Variants in SHC2 observed in about 807,000 individuals in gnomAD.
The protein encoded by SHC2 is SHC-transforming protein 2.
A neutral mutation model predicts 60.6 loss-of-function variants in SHC2; 62 were observed. The ratio of observed to expected loss-of-function variants is 1.02; its 90% CI spans 0.83 to 1.26. The LOEUF is 1.26. SHC2 is among the 50% of genes most tolerant of loss of function. SHC2 has a pLI of 0.00. For synonymous variants in SHC2, 375 were observed against 372.4 expected, an observed-to-expected ratio of 1.01 and a Z score of -0.08; for missense variants, 873 against 822.2, an observed-to-expected ratio of 1.06 and a Z score of -0.76.
In SHC2 at chr19:425,040, C is replaced by T; in HGVS notation, c.1309+57G>A. 7.5e-7 allele frequency: 1 copy of T among 1,337,394 alleles called. No homozygotes were observed. Among genetic ancestry groups the T allele is most frequent in the Non-Finnish European group, 9.7e-7 (1 of 1,033,998 alleles). 82.8% of individuals were successfully genotyped at this position (1,337,394 alleles called of 1,614,324 possible). On this transcript the variant is annotated intron_variant, in intron 10 of 12. Transcript: ENST00000264554. The surrounding 1 kb of genome is among the most constrained non-coding windows in gnomAD (Gnocchi z 4.1). ...GGGAGTGGGGGTGGGGTTGTGCCTC[C>T]CCCATCAGACAACACGGCCACACGC... is the stretch of plus-strand genomic sequence containing the variant.
At position 446,769 on chromosome 19, in the gene SHC2, C is replaced by T. The variant is rs959561137; in HGVS notation, c.469-5837G>A. 6.6e-6 allele frequency among the ~76,000 whole-genome samples: 1 copy of T among 152,140 alleles called. No homozygotes were observed. Among genetic ancestry groups the T allele is most frequent in the African/African-American group, 2.4e-5 (1 of 41,458 alleles). On this transcript the variant is annotated intron_variant, in intron 1 of 12. Coordinates refer to ENST00000264554, the MANE Select transcript of SHC2 (RefSeq NM_012435.3). The surrounding 1 kb of genome is among the most constrained non-coding windows in gnomAD (Gnocchi z 5.4). ...AGAAGGCATGACCCAGAACCCACCC[C>T]AGGACGTTAAGGGAAGGAGCCACTG...
chr19:450,008 C>T (rs1813667213), intron 1 of SHC2, among the ~76,000 whole-genome samples: 1 of 152,220 alleles, frequency 6.6e-6, no homozygotes, highest in African/African-American at 2.4e-5. Flanking sequence ...CCAGTGCCGC[C>T]CTCCACCCCT....
chr19:450,908 G>C (rs56017581), intron 1 of SHC2, among the ~76,000 whole-genome samples: 3 of 146,918 alleles, frequency 2.0e-5, no homozygotes, highest in Non-Finnish European at 3.0e-5. Context: ...TCAGCGTGTG[G>C]ATGGCCATGC....
chr19:459,323 ACCCAGCG>A (rs2145766584), intron 1 of SHC2, among the ~76,000 whole-genome samples: 2 of 136,896 alleles, frequency 1.5e-5, no homozygotes, highest in African/African-American at 5.4e-5. Context: ...ACCCCACTGA[ACCCAGCG>A]TAGGGGGAAG....
intron 1 of SHC2, among the ~76,000 whole-genome samples, chr19:450,128 G>C (rs1975143215): frequency 6.6e-6 from 1 of 152,126 alleles, no homozygotes; most frequent in African/African-American, 2.4e-5. Flanking sequence ...GCGGAAATGT[G>C]GGGCCCTGTT....
At chr19:434,902 G>A in intron 7 of SHC2, 37 bp from the exon 8 acceptor site, 1 of 1,593,356 alleles carries the variant, frequency 6.3e-7, no homozygotes, top group East Asian at 2.3e-5. Context: ...GCACAGGCAG[G>A]GCCCAAGGGG....
At chr19:455,070 T>C (rs1975305377) in intron 1 of SHC2, among the ~76,000 whole-genome samples, 1 of 152,220 alleles carries the variant, frequency 6.6e-6, no homozygotes, top group Admixed American at 6.5e-5. Flanking sequence ...TAATGACACC[T>C]GCAGAGAGCC....
At chr19:430,171 C>T (rs970394001) in intron 9 of SHC2, among the ~76,000 whole-genome samples, 1 of 141,838 alleles carries the variant, frequency 7.1e-6, no homozygotes, top group Non-Finnish European at 1.5e-5. Context: ...GTGTGGATGA[C>T]GCAGTACCTA....
At position 460,740 on chromosome 19, in the gene SHC2, C is replaced by T; in HGVS notation, c.257G>A (p.Arg86His). 4 of 980,870 alleles carry T rather than the reference C, an allele frequency of 4.1e-6. No homozygotes were observed. The highest frequency in any genetic ancestry group is 4.8e-6 in the Non-Finnish European group (4 of 828,710). 60.8% of individuals were successfully genotyped at this position (980,870 alleles called of 1,614,324 possible). The change falls in exon 1 of 13, where the codon CGC becomes CAC. Residue 86 changes from arginine (R) to histidine (H), a missense_variant. Coordinates refer to ENST00000264554, the MANE Select transcript of SHC2 (RefSeq NM_012435.3). ...AAAVLGACEPRCAAPCPLPAL... is the reference protein window; with the variant it reads ...AAAVLGACEPHCAAPCPLPAL... ...GGGCAGGGGACAGGGCGCGGCGCAG[C>T]GGGGCTCGCAGGCGCCCAGGACGGC...
At position 425,911 on chromosome 19, in the gene SHC2, C is replaced by A. The variant is rs1279068274; in HGVS notation, c.1175-680G>T. Among the ~76,000 whole-genome samples the A allele has an allele frequency of 6.6e-6, 1 of 152,098 alleles. No individual in the cohort carries two copies. Among genetic ancestry groups the A allele is most frequent in the Admixed American group, 6.5e-5 (1 of 15,286 alleles). On this transcript the variant is annotated intron_variant, in intron 9 of 12. Transcript: ENST00000264554. This position sits in a 1 kb window ranked among gnomAD's most constrained non-coding sequence, Gnocchi z 4.1. ...AGGCGTGGTGGTGGGCGCCTGCAATCCCAGCTATTTGGGAGGCTGAGGCAT... is the reference window on the plus strand; with the variant it reads ...AGGCGTGGTGGTGGGCGCCTGCAATACCAGCTATTTGGGAGGCTGAGGCAT...
intron 1 of SHC2, among the ~76,000 whole-genome samples, chr19:442,417 G>GGATGGATGGAT (rs1974894627): frequency 7.1e-6 from 1 of 139,914 alleles, no homozygotes; most frequent in South Asian, 2.4e-4. Context: ...ATGGATGGAT[G>GGATGGATGGAT]GACAGATGGA....
rs1388349613 is a variant in SHC2, at chr19:440,244, CG to C, written c.539+617del. On this transcript the variant is annotated intron_variant, in intron 2 of 12. Transcript: ENST00000264554. The surrounding 1 kb of genome is among the most constrained non-coding windows in gnomAD (Gnocchi z 7.0). ...GGACGGGGAGTGGCTGTGATGGGGA[CG>C]GGGTGTTTTGATGGGGTAATGAGAA... Among the ~76,000 whole-genome samples, 1 of 151,008 alleles carries C rather than the reference CG, an allele frequency of 6.6e-6. No homozygotes were observed. Among genetic ancestry groups the C allele is most frequent in the Non-Finnish European group, 1.5e-5 (1 of 67,786 alleles).
intron 1 of SHC2, among the ~76,000 whole-genome samples, chr19:456,166 G>A (rs1975337528): frequency 6.6e-6 from 1 of 152,208 alleles, no homozygotes; most frequent in Admixed American, 6.5e-5. Context: ...AGAGCCCTGC[G>A]GGCCTGAGCC....
At position 416,724 on chromosome 19, in the gene SHC2, G is replaced by C. The variant is rs1974160841; in HGVS notation, c.*604C>G. On this transcript the variant is annotated 3_prime_UTR_variant, in exon 13 of 13. Coordinates refer to ENST00000264554, the MANE Select transcript of SHC2 (RefSeq NM_012435.3). ...CAACCACGTCCTTCCCCTGCTCCCAGGTGGAGTAGGGGCCTCACGACTGCC... is the reference window on the plus strand; with the variant it reads ...CAACCACGTCCTTCCCCTGCTCCCACGTGGAGTAGGGGCCTCACGACTGCC... 1 of 152,258 alleles carries C rather than the reference G, an allele frequency of 6.6e-6. No individual in the cohort carries two copies. Among genetic ancestry groups the C allele is most frequent in the African/African-American group, 2.4e-5 (1 of 41,460 alleles). 9.4% of individuals were successfully genotyped at this position (152,258 alleles called of 1,614,324 possible).
Position 424,119 on chromosome 19 carries a change from C to A in SHC2, c.1309+978G>T, listed in dbSNP as rs1339880513. Among the ~76,000 whole-genome samples, 1 of 152,168 alleles carries A rather than the reference C, an allele frequency of 6.6e-6. No homozygotes were observed. The highest frequency in any genetic ancestry group is 1.5e-5 in the Non-Finnish European group (1 of 68,026). On this transcript the variant is annotated intron_variant, in intron 10 of 12. Coordinates refer to ENST00000264554, the MANE Select transcript of SHC2 (RefSeq NM_012435.3). The surrounding 1 kb of genome is among the most constrained non-coding windows in gnomAD (Gnocchi z 4.5). ...ATCCTGAGCTCAGGCAAGGACCCTA[C>A]CCGGCAGCTCAGAGCCAACACCTCT...
At position 440,991 on chromosome 19, in the gene SHC2, CT is replaced by C. The variant is rs869270159; in HGVS notation, c.469-60del. On this transcript the variant is annotated intron_variant, in intron 1 of 12. Coordinates refer to ENST00000264554, the MANE Select transcript of SHC2 (RefSeq NM_012435.3). The surrounding 1 kb of genome is among the most constrained non-coding windows in gnomAD (Gnocchi z 7.0). ...GAACCCCCGCAGTGGAGCCACGTCC[CT>C]TTTCCCAGCAGCCCTTCGCCGCCTC... 6.4e-7 allele frequency: 1 copy of C among 1,565,852 alleles called. No homozygotes were observed. The highest frequency in any genetic ancestry group is 8.8e-7 in the Non-Finnish European group (1 of 1,138,158).
rs1469344724 is a variant in SHC2, at chr19:422,205, G to A, written c.1561C>T (p.Leu521Phe). Residue 521 changes from leucine to phenylalanine, a missense_variant, in exon 11 of 13, where the codon CTC (leucine) becomes TTC (phenylalanine). Physicochemically the swap from Leu to Phe is conservative, Grantham distance 22 (BLOSUM62 0). Transcript: ENST00000264554. The surrounding 1 kb of genome is among the most constrained non-coding windows in gnomAD (Gnocchi z 5.0). Reference sequence around the variant, plus strand: ...GGCTGCCCGGCGTGCATGCCGGTGAGGACATACTGCCCGGGGTTGGTGACG... The same window carrying A: ...GGCTGCCCGGCGTGCATGCCGGTGAAGACATACTGCCCGGGGTTGGTGACG... ...DSVTNPGQYV[L>F]TGMHAGQPKH... The A allele has an allele frequency of 1.9e-6, 3 of 1,612,542 alleles. No homozygotes were observed. The African/African-American group carries it at 4.0e-5, about 22-fold the overall frequency.
intron 1 of SHC2, among the ~76,000 whole-genome samples, chr19:455,525 G>A (rs146637552): frequency 8.2e-4 from 125 of 152,334 alleles, no homozygotes; most frequent in African/African-American, 2.7e-3. Context: ...CTGATTATCC[G>A]GCGTCCAACT....
intron 1 of SHC2, among the ~76,000 whole-genome samples, chr19:450,700 G>A (rs200316689): frequency 1.3e-4 from 20 of 152,152 alleles, no homozygotes; most frequent in East Asian, 9.6e-4. Flanking sequence ...GTATTTCAGC[G>A]TGTGGATGGC....
Sources: gnomAD v4.1 joint callset for allele counts (sites outside exome capture counted in the v4.1 genomes callset) on GRCh38, gnomAD v4.1.1 for gene constraint, Gnocchi (gnomAD v3.1) non-coding constraint, MANE v1.5 for transcripts, NCBI Gene and HGNC (gene_info 2026-07-23, HGNC 2026-07-21) for gene names.